Variants in IQCK observed in about 807,000 individuals in gnomAD.
IQCK encodes IQ domain-containing protein K.
IQCK carries 29 observed loss-of-function variants against 28.1 expected under a neutral mutation model. That is an observed-to-expected ratio of 1.03 (90% confidence interval 0.77 to 1.41). IQCK has a LOEUF of 1.41. Among genes scored for constraint, IQCK ranks in the 40% most tolerant of loss-of-function variants. The pLI, the probability that IQCK is intolerant of heterozygous loss-of-function variation, is 0.00. For missense variants in IQCK, 359 were observed against 314.7 expected (o/e 1.14, Z -1.07); for synonymous variants, 113 against 115.1 (o/e 0.98, Z 0.12).
chr16:19,778,180 A>T (rs993188517), intron 6 of IQCK, among the ~76,000 whole-genome samples: 4 of 152,182 alleles, frequency 2.6e-5, no homozygotes, highest in African/African-American at 9.7e-5. Context: ...GTAGAAAATT[A>T]TCGAACTTGA....
chr16:19,773,379 C>G (rs552951545), intron 6 of IQCK, among the ~76,000 whole-genome samples: 1 of 152,296 alleles, frequency 6.6e-6, no homozygotes, highest in Non-Finnish European at 1.5e-5. Context: ...ATAACGCCAA[C>G]CCTCCCACCA....
intron 2 of IQCK, among the ~76,000 whole-genome samples, chr16:19,731,437 T>G (rs1977833483): frequency 6.6e-6 from 1 of 152,152 alleles, no homozygotes; most frequent in Admixed American, 6.6e-5. Context: ...TCTAAAAACT[T>G]TCTTGTTCTG....
At chr16:19,743,490 T>C (rs1345025869) in intron 4 of IQCK, among the ~76,000 whole-genome samples, 1 of 152,228 alleles carries the variant, frequency 6.6e-6, no homozygotes, top group East Asian at 1.9e-4. Flanking sequence ...AGAATAGTAG[T>C]TGTCAGCACT....
At chr16:19,773,293 G>C (rs550563663) in intron 6 of IQCK, among the ~76,000 whole-genome samples, 4 of 152,234 alleles carry the variant, frequency 2.6e-5, no homozygotes, top group African/African-American at 9.6e-5. Context: ...GTGCTGAGAA[G>C]GTCTTGGTCA....
chr16:19,820,310 A>G (rs915743869), intron 7 of IQCK, among the ~76,000 whole-genome samples: 3 of 152,160 alleles, frequency 2.0e-5, no homozygotes, highest in African/African-American at 7.2e-5. Context: ...TGAGGTCAGG[A>G]GTTCGAGACC....
chr16:19,728,972 A>G (rs1398203621), intron 1 of IQCK, among the ~76,000 whole-genome samples: 2 of 152,162 alleles, frequency 1.3e-5, no homozygotes, highest in Non-Finnish European at 2.9e-5. Context: ...ATTTTTCCTC[A>G]TGACTGTAAG....
At chr16:19,810,052 T>C (rs2141065563) in intron 7 of IQCK, among the ~76,000 whole-genome samples, 1 of 152,268 alleles carries the variant, frequency 6.6e-6, no homozygotes, top group Non-Finnish European at 1.5e-5. Context: ...CAGTGGGTTT[T>C]TTTTAGAGCA....
At chr16:19,850,389 C>T (rs1417326922) in intron 9 of IQCK, among the ~76,000 whole-genome samples, 1 of 152,092 alleles carries the variant, frequency 6.6e-6, no homozygotes, top group Non-Finnish European at 1.5e-5. Context: ...ACTATGACTT[C>T]GTATGTGTCA....
intron 6 of IQCK, among the ~76,000 whole-genome samples, chr16:19,774,330 A>G (rs2055359541): frequency 6.8e-6 from 1 of 146,672 alleles, no homozygotes; most frequent in Non-Finnish European, 1.5e-5. Context: ...CTATTATTAT[A>G]TTTCATTATT....
rs758463358 is a variant in IQCK, at chr16:19,763,831, A to C, written c.475-17A>C. 1 of 1,595,978 alleles carries C rather than the reference A, an allele frequency of 6.3e-7. No individual in the cohort carries two copies. The highest frequency in any genetic ancestry group is 8.6e-7 in the Non-Finnish European group (1 of 1,163,814). ...TTTAAGGGTCAGTTGTAATTTAATT[A>C]TCTCTTCTCTCTTCAGAGGAAAAGA... On this transcript the variant is annotated splice_polypyrimidine_tract_variant and intron_variant, in intron 4 of 7. Coordinates refer to ENST00000564186, the Ensembl canonical transcript of IQCK.
chr16:19,816,433 C>A (rs775106526), intron 7 of IQCK, among the ~76,000 whole-genome samples: 2 of 152,142 alleles, frequency 1.3e-5, no homozygotes, highest in Non-Finnish European at 2.9e-5. Context: ...AGGTGCGTGC[C>A]ACCACACCCA....
chr16:19,735,259 C>CA, intron 3 of IQCK, 94 bp from the exon 4 acceptor site: 1 of 821,666 alleles, frequency 1.2e-6, no homozygotes, highest in Non-Finnish European at 2.1e-6. Context: ...ATTGAATGGA[C>CA]AGTACCTTTT....
chr16:19,838,169 C>G (rs973791928), intron 9 of IQCK, among the ~76,000 whole-genome samples: 1 of 152,110 alleles, frequency 6.6e-6, no homozygotes, highest in African/African-American at 2.4e-5. Flanking sequence ...TGGCTGTTGC[C>G]GGGTTTGGGA....
intron 6 of IQCK, among the ~76,000 whole-genome samples, chr16:19,782,032 T>C (rs2055492548): frequency 6.6e-6 from 1 of 151,486 alleles, no homozygotes; most frequent in African/African-American, 2.4e-5. Context: ...ATAGAGCATT[T>C]GGGAACCCGG....
intron 9 of IQCK, among the ~76,000 whole-genome samples, chr16:19,852,906 G>C (rs1214552541): frequency 6.6e-6 from 1 of 152,174 alleles, no homozygotes; most frequent in Non-Finnish European, 1.5e-5. Flanking sequence ...ACAGGCGTGA[G>C]CCACCGCACG....
chr16:19,847,256 A>C (rs2056424603), intron 9 of IQCK, among the ~76,000 whole-genome samples: 1 of 151,806 alleles, frequency 6.6e-6, no homozygotes, highest in Non-Finnish European at 1.5e-5. Flanking sequence ...GGTGTGTAAG[A>C]CTCTTTGAGG....
exon 2 of IQCK, chr16:19,730,448 C>T (rs1977796370): frequency 6.2e-6 from 10 of 1,608,740 alleles, no homozygotes; most frequent in Non-Finnish European, 8.5e-6. Context: ...GCTGAGCAGC[C>T]TCCCTTTCCA....
At chr16:19,844,638 G>A (rs1447677019) in intron 9 of IQCK, among the ~76,000 whole-genome samples, 6 of 152,184 alleles carry the variant, frequency 3.9e-5, no homozygotes, top group South Asian at 2.1e-4. Context: ...GGTTGAAAAC[G>A]TTCGTGTTTT....
exon 1 of IQCK, chr16:19,718,422 T>C: frequency 6.2e-7 from 1 of 1,607,390 alleles, no homozygotes; most frequent in Non-Finnish European, 8.5e-7. Context: ...TCCCGCGAGC[T>C]GCCTGTCTCG....
Sources: allele counts gnomAD v4.1 joint callset (sites outside exome capture counted in the v4.1 genomes callset), GRCh38; gene constraint gnomAD v4.1.1; transcripts MANE v1.5; gene names NCBI Gene and HGNC (gene_info 2026-07-23, HGNC 2026-07-21).